Variants in PAGR1 observed in about 807,000 individuals in gnomAD.
PAGR1 encodes PAXIP1 associated glutamate rich protein 1.
In PAGR1, 20 loss-of-function variants were observed where a neutral mutation model predicts 22.4. That is an observed-to-expected ratio of 0.89 (90% CI 0.63 to 1.30). The LOEUF (loss-of-function observed/expected upper bound fraction) is 1.30, where lower values mean the gene tolerates loss of function less well. Among genes scored for constraint, PAGR1 ranks in the 50% most tolerant of loss-of-function variants. PAGR1 has a pLI of 0.00. For synonymous variants in PAGR1, 161 were observed against 148.3 expected (o/e 1.09, Z -0.62); for missense variants, 338 against 343.6 (o/e 0.98, Z 0.13).
rs142285591 is a variant in PAGR1, at chr16:29,819,705, C to A, written c.716C>A (p.Pro239Gln). The change falls in exon 3 of 3, where the codon CCA becomes CAA. Residue 239 changes from proline (P) to glutamine (Q), a missense_variant. Physicochemically the swap from Pro to Gln is moderately conservative, Grantham distance 76. Around this residue, in one of 3 missense-constraint regions of PAGR1, gnomAD observed 52 missense variants for 44.5 expected, o/e 1.17. Transcript: ENST00000320330. ...GAGGACCCCAGCCCCGCCAGCCCCC[C>A]ACTCCGATCCTCCGGGAGTAGTCTC... ...DSEDPSPASPPLRSSGSSLFP... is the reference protein window; with the variant it reads ...DSEDPSPASPQLRSSGSSLFP... 3.4e-5 allele frequency: 55 copies of A among 1,613,690 alleles called. No homozygotes were observed. Among genetic ancestry groups the A allele is most frequent in the Non-Finnish European group, 1.3e-5 (15 of 1,180,024 alleles).
At chr16:29,817,042 G>T in intron 1 of PAGR1, 35 bp downstream of exon 1, 1 of 1,554,218 alleles carries the variant, frequency 6.4e-7, no homozygotes. Flanking sequence ...TCCCGGGGCT[G>T]CTCCCCTGAT....
chr16:29,819,847 AAG>A lies in PAGR1; in HGVS notation c.*99_*100del. The A allele has an allele frequency of 7.3e-7, 1 of 1,375,058 alleles. No homozygotes were observed. 85.2% of individuals were successfully genotyped at this position (1,375,058 alleles called of 1,614,324 possible). ...CCCAGACATTGAGAAACTTGGGAAGAAGAGAGAAACCTCAAGCTCCCAAACAG... is the reference window on the plus strand; with the variant it reads ...CCCAGACATTGAGAAACTTGGGAAGAAGAGAAACCTCAAGCTCCCAAACAG... On this transcript the variant is annotated 3_prime_UTR_variant, in exon 3 of 3. Transcript: ENST00000320330.
rs2067368156 is a variant in PAGR1, at chr16:29,822,238, A to C, written c.*2484A>C. ...CCTCTGGTGACTGGTGTTAATTGGC[A>C]GGAGTGGGAGGAGGGAGGACAAGTG... is the stretch of plus-strand genomic sequence containing the variant. On this transcript the variant is annotated 3_prime_UTR_variant, in exon 3 of 3. Coordinates refer to ENST00000320330, the MANE Select transcript of PAGR1 (RefSeq NM_024516.4). 6.6e-6 allele frequency among the ~76,000 whole-genome samples: 1 copy of C among 151,696 alleles called. No homozygotes were observed. The highest frequency in any genetic ancestry group is 1.5e-5 in the Non-Finnish European group (1 of 67,904).
intron 2 of PAGR1, chr16:29,818,005 C>T (rs918329050): frequency 1.3e-5 from 2 of 152,146 alleles, no homozygotes; most frequent in African/African-American, 4.8e-5. Flanking sequence ...AACAACTAGT[C>T]ATTGATTCTG....
rs1217018466 is a variant in PAGR1, at chr16:29,822,046, C to T, written c.*2292C>T. Among the ~76,000 whole-genome samples, 3 of 150,660 alleles carry T rather than the reference C, an allele frequency of 2.0e-5. No individual in the cohort carries two copies. Among genetic ancestry groups the T allele is most frequent in the Non-Finnish European group, 2.9e-5 (2 of 67,854 alleles). On this transcript the variant is annotated 3_prime_UTR_variant, in exon 3 of 3. Coordinates refer to ENST00000320330, the MANE Select transcript of PAGR1 (RefSeq NM_024516.4). ...TTCCAGACCAGCCTGAGCAACATAG[C>T]GAGACCCTGTCTCTGTTTGTGTGTG...
At position 29,819,986 on chromosome 16, in the gene PAGR1, TG is replaced by T; in HGVS notation, c.*233del. On this transcript the variant is annotated 3_prime_UTR_variant, in exon 3 of 3. Transcript: ENST00000320330. ...CTATTGAACACCTATAGAGAGAGTG[TG>T]TGTGTTTTCTATTGAACATCTATAT... 3.8e-6 allele frequency: 2 copies of T among 525,164 alleles called. No individual in the cohort carries two copies. The highest frequency in any genetic ancestry group is 6.7e-6 in the Non-Finnish European group (2 of 297,352). The allele number at this position is 525,164 out of a possible 1,614,324, so 32.5% of individuals were successfully genotyped here. A position where few individuals can be genotyped will look rare whatever the true frequency, so the allele number is the denominator to read the frequency against.
chr16:29,819,701 C>T lies in PAGR1; in HGVS notation c.712C>T (p.Pro238Ser). The change falls in exon 3 of 3, where the codon CCC becomes TCC. Residue 238 changes from proline (P) to serine (S), a missense_variant. By Grantham distance (74) the Pro-to-Ser change is moderately conservative. Coordinates refer to ENST00000320330, the MANE Select transcript of PAGR1 (RefSeq NM_024516.4). The stretch of plus-strand genomic sequence containing the variant: ...CTCGGAGGACCCCAGCCCCGCCAGC[C>T]CCCCACTCCGATCCTCCGGGAGTAG... ...LDSEDPSPAS[P>S]PLRSSGSSLF... The T allele has an allele frequency of 6.2e-7, 1 of 1,613,774 alleles. No individual in the cohort carries two copies. The highest frequency in any genetic ancestry group is 8.5e-7 in the Non-Finnish European group (1 of 1,180,010).
In PAGR1 at chr16:29,821,774, A is replaced by G. The variant is rs1385880556; in HGVS notation, c.*2020A>G. On this transcript the variant is annotated 3_prime_UTR_variant, in exon 3 of 3. Transcript: ENST00000320330. ...AGGATAACATGAGTTAATTGAGGGC[A>G]CTTAACACTACCTGGCACAGATTAA... Among the ~76,000 whole-genome samples the G allele has an allele frequency of 2.0e-5, 3 of 152,228 alleles. No homozygotes were observed. The highest frequency in any genetic ancestry group is 2.9e-5 in the Non-Finnish European group (2 of 68,040).
chr16:29,817,402 C>G (rs969666283), intron 2 of PAGR1, 110 bp downstream of exon 2: 1 of 946,852 alleles, frequency 1.1e-6, no homozygotes, highest in Middle Eastern at 2.1e-4. Flanking sequence ...ACACAACTTA[C>G]AGCTGCAGGA....
At chr16:29,819,390 G>C in intron 2 of PAGR1, 165 bp from the exon 3 acceptor site, 2 of 680,920 alleles carry the variant, frequency 2.9e-6, no homozygotes, top group Non-Finnish European at 5.2e-6. Context: ...CAAGATCTTT[G>C]CTTCTCACCC....
Position 29,821,993 on chromosome 16 carries a change from G to A in PAGR1, c.*2239G>A, listed in dbSNP as rs780260488. ...GTAATCCCAGTACTTTGGGAGGCCC[G>A]AATGGGAGGATGGCTTGAGGCCAGG... On this transcript the variant is annotated 3_prime_UTR_variant, in exon 3 of 3. Coordinates refer to ENST00000320330, the MANE Select transcript of PAGR1 (RefSeq NM_024516.4). Among the ~76,000 whole-genome samples the A allele has an allele frequency of 5.3e-5, 8 of 152,156 alleles. No homozygotes were observed. Among genetic ancestry groups the A allele is most frequent in the East Asian group, 1.9e-4 (1 of 5,202 alleles).
chr16:29,818,112 A>G (rs929540278), intron 2 of PAGR1: 1 of 152,222 alleles, frequency 6.6e-6, no homozygotes, highest in Non-Finnish European at 1.5e-5. Context: ...ACTACCATGT[A>G]CATTCTTTAA....
chr16:29,817,350 G>A (rs1900271477), intron 2 of PAGR1, 58 bp downstream of exon 2: 1 of 1,558,122 alleles, frequency 6.4e-7, no homozygotes, highest in Non-Finnish European at 8.8e-7. Context: ...AGTTACCCAA[G>A]ATCGGCTCCC....
rs754482731 is a variant in PAGR1, at chr16:29,816,968, C to G, written c.443C>G (p.Ser148Cys). Reference sequence around the variant, plus strand: ...GAGGCCCAGAGCGAAGAGGAGAGATCCGATGAGGAGCCGGAGGCCAAAGAA... The same window carrying G: ...GAGGCCCAGAGCGAAGAGGAGAGATGCGATGAGGAGCCGGAGGCCAAAGAA... Reference protein sequence around the residue: ...TPEAQSEEERSDEEPEAKEEE... With the variant: ...TPEAQSEEERCDEEPEAKEEE... The change falls in exon 1 of 3, where the codon TCC (serine) becomes TGC (cysteine). Residue 148 changes from serine (S) to cysteine (C), a missense_variant. This residue lies in a region of PAGR1 where 235 missense variants were observed against 216.0 expected (regional missense o/e 1.09). Transcript: ENST00000320330. The G allele has an allele frequency of 1.3e-6, 2 of 1,570,186 alleles. No homozygotes were observed. Among genetic ancestry groups the G allele is most frequent in the Non-Finnish European group, 1.7e-6 (2 of 1,159,910 alleles).
At position 29,816,553 on chromosome 16, in the gene PAGR1, A is replaced by G; in HGVS notation, c.28A>G (p.Thr10Ala). 6.6e-7 allele frequency: 1 copy of G among 1,511,572 alleles called. No individual in the cohort carries two copies. The highest frequency in any genetic ancestry group is 1.3e-5 in the South Asian group (1 of 74,238). The allele number at this position is 1,511,572 out of a possible 1,614,324, so 93.6% of individuals were successfully genotyped here. A position where few individuals can be genotyped will look rare whatever the true frequency, so the allele number is the denominator to read the frequency against. MSLARGHGD[T>A]AASTAAPLSE... is the part of the protein sequence containing the mutation. ...GTCCCTTGCTCGGGGCCATGGAGACACTGCGGCCAGTACGGCGGCGCCTCT... is the reference window on the plus strand; with the variant it reads ...GTCCCTTGCTCGGGGCCATGGAGACGCTGCGGCCAGTACGGCGGCGCCTCT... Residue 10 changes from threonine (T) to alanine (A), a missense_variant, in exon 1 of 3, where the codon ACT (threonine) becomes GCT (alanine). Thr to Ala is a moderately conservative substitution (Grantham distance 58). Transcript: ENST00000320330.
At chr16:29,819,344 C>G in intron 2 of PAGR1, 1 of 598,318 alleles carries the variant, frequency 1.7e-6, no homozygotes, top group Non-Finnish European at 3.0e-6. Flanking sequence ...GTATGTTCCT[C>G]CCTGTTCTTC....
At chr16:29,817,044 T>C in intron 1 of PAGR1, 37 bp downstream of exon 1, 2 of 1,553,902 alleles carry the variant, frequency 1.3e-6, no homozygotes, top group Non-Finnish European at 1.7e-6. Flanking sequence ...CCGGGGCTGC[T>C]CCCCTGATGG....
chr16:29,817,124 G>T (rs556799535), intron 1 of PAGR1, 86 bp from the exon 2 acceptor site: 1 of 1,597,850 alleles, frequency 6.3e-7, no homozygotes, highest in Non-Finnish European at 8.5e-7. Flanking sequence ...GAAGCCAGCG[G>T]GGGAGGAGGA....
chr16:29,817,321 A>T, intron 2 of PAGR1, 29 bp downstream of exon 2: 1 of 1,609,528 alleles, frequency 6.2e-7, no homozygotes. Flanking sequence ...CAGTTGGGGG[A>T]GGTGAAGGGC....
Sources: gnomAD v4.1 joint callset for allele counts (sites outside exome capture counted in the v4.1 genomes callset) on GRCh38, gnomAD v4.1.1 for gene constraint, gnomAD v4.1.1 regional missense constraint, MANE v1.5 for transcripts, NCBI Gene and HGNC (gene_info 2026-07-23, HGNC 2026-07-21) for gene names.